MAN1A1: variants seen among roughly 807,000 people sequenced by gnomAD.
MAN1A1 encodes the protein mannosidase alpha class 1A member 1, also known as mannosyl-oligosaccharide 1,2-alpha-mannosidase IA.
In MAN1A1, 29 loss-of-function variants were observed where a neutral mutation model predicts 70.8. That is an observed-to-expected ratio of 0.41 (90% confidence interval 0.31 to 0.56). MAN1A1 has a LOEUF of 0.56. Among genes scored for constraint, MAN1A1 ranks in the 20% least tolerant of loss-of-function variants. The pLI, the probability that MAN1A1 is intolerant of heterozygous loss-of-function variation, is 0.29. For synonymous variants in MAN1A1, 349 were observed against 330.1 expected, an observed-to-expected ratio of 1.06 and a Z score of -0.62; for missense variants, 747 against 841.3, an observed-to-expected ratio of 0.89 and a Z score of 1.39.
intron 5 of MAN1A1, among the ~76,000 whole-genome samples, chr6:119,268,662 C>A (rs534048029): frequency 6.6e-6 from 1 of 152,154 alleles, no homozygotes; most frequent in Admixed American, 6.5e-5. Flanking sequence ...TTTTGGCTCA[C>A]TGCAGCCTTG....
chr6:119,189,536 G>T, intron 10 of MAN1A1, 128 bp downstream of exon 10: 1 of 798,010 alleles, frequency 1.3e-6, no homozygotes. Context: ...ACATTCCTTT[G>T]AGACATTAAT....
rs372279067 is a variant in MAN1A1 at position 119,349,675 on chromosome 6, G to C, written c.-356C>G. ...TCCCACGGTCCCGCAGCCCCGGCGC[G>C]GCTCAGGTGGGCGAGCGCGCCGACC... On this transcript the variant is annotated 5_prime_UTR_variant, in exon 1 of 13. Coordinates refer to ENST00000368468, the MANE Select transcript of MAN1A1 (RefSeq NM_005907.4). The C allele has an allele frequency of 1.0e-6, 1 of 985,864 alleles. No homozygotes were observed. Among genetic ancestry groups the C allele is most frequent in the Non-Finnish European group, 1.2e-6 (1 of 830,004 alleles). 61.1% of individuals were successfully genotyped at this position (985,864 alleles called of 1,614,324 possible).
chr6:119,180,082 C>G, intron 12 of MAN1A1, 137 bp from the exon 13 acceptor site: 1 of 955,838 alleles, frequency 1.0e-6, no homozygotes, highest in South Asian at 1.6e-5. Flanking sequence ...ATATCAAAAC[C>G]CTGAGGGGTT....
At chr6:119,185,448 G>C (rs1047068264) in intron 11 of MAN1A1, among the ~76,000 whole-genome samples, 1 of 152,188 alleles carries the variant, frequency 6.6e-6, no homozygotes, top group African/African-American at 2.4e-5. Context: ...TTTGTTAGAA[G>C]ATAGGAAGAC....
chr6:119,347,270 A>T (rs1773755128), intron 2 of MAN1A1, among the ~76,000 whole-genome samples: 1 of 152,188 alleles, frequency 6.6e-6, no homozygotes, highest in Admixed American at 6.5e-5. Flanking sequence ...CAGCCACTTA[A>T]GCTAAACACC....
chr6:119,319,778 C>T (rs1440261916), intron 2 of MAN1A1, among the ~76,000 whole-genome samples: 1 of 152,162 alleles, frequency 6.6e-6, no homozygotes, highest in Non-Finnish European at 1.5e-5. Context: ...GCCTAATGTT[C>T]TTTCCTGGCC....
intron 6 of MAN1A1, among the ~76,000 whole-genome samples, chr6:119,224,270 A>G (rs1003045174): frequency 2.0e-5 from 3 of 152,234 alleles, no homozygotes; most frequent in Non-Finnish European, 2.9e-5. Flanking sequence ...CATGTTTGCT[A>G]CTTTTATAGA....
At chr6:119,315,909 GTTTA>G (rs1416180772) in intron 2 of MAN1A1, among the ~76,000 whole-genome samples, 1 of 152,200 alleles carries the variant, frequency 6.6e-6, no homozygotes, top group Non-Finnish European at 1.5e-5. Context: ...GTCACTTTGT[GTTTA>G]AAGGTTTAAC....
chr6:119,266,557 GAC>G (rs1775760148), intron 5 of MAN1A1, among the ~76,000 whole-genome samples: 1 of 151,988 alleles, frequency 6.6e-6, no homozygotes, highest in African/African-American at 2.4e-5. Context: ...AATGAATGTA[GAC>G]ACAGACCTTA....
intron 3 of MAN1A1, among the ~76,000 whole-genome samples, chr6:119,303,899 C>A (rs1051863624): frequency 2.0e-5 from 3 of 152,196 alleles, no homozygotes; most frequent in African/African-American, 4.8e-5. Context: ...AGTAAGCCTG[C>A]CACTCCTAGC....
intron 2 of MAN1A1, among the ~76,000 whole-genome samples, chr6:119,315,423 C>G (rs3798638): frequency 6.6e-6 from 1 of 152,130 alleles, no homozygotes; most frequent in East Asian, 1.9e-4. Flanking sequence ...TTGTAATGGA[C>G]AGATTGTTCT....
chr6:119,193,318 G>C (rs913232275), intron 9 of MAN1A1, among the ~76,000 whole-genome samples: 2 of 152,150 alleles, frequency 1.3e-5, no homozygotes, highest in African/African-American at 2.4e-5. Flanking sequence ...CCTGAAATAT[G>C]AGTTTGTTCA....
chr6:119,249,071 T>C (rs1246457065), intron 5 of MAN1A1, among the ~76,000 whole-genome samples: 1 of 152,154 alleles, frequency 6.6e-6, no homozygotes, highest in South Asian at 2.1e-4. Context: ...ATGAGAACTG[T>C]ACGCAGCATT....
intron 2 of MAN1A1, among the ~76,000 whole-genome samples, chr6:119,340,955 A>T (rs556689543): frequency 3.2e-4 from 49 of 152,352 alleles, no homozygotes; most frequent in African/African-American, 1.1e-3. Context: ...ACTGAGAAAC[A>T]CGAGCGAGAA....
intron 5 of MAN1A1, among the ~76,000 whole-genome samples, chr6:119,252,709 T>G (rs904731604): frequency 3.3e-5 from 5 of 152,084 alleles, no homozygotes; most frequent in African/African-American, 1.2e-4. Flanking sequence ...GCAAAATCAC[T>G]TGAACCCGGG....
chr6:119,277,506 C>T lies in MAN1A1; in HGVS notation c.897+13177G>A, dbSNP rs139700986. ...TTATGAATCAAATGATAGTTTCATA[C>T]ATTAGGTAAGACTTAATTTATAGAA... On this transcript the variant is annotated intron_variant, in intron 5 of 12. Coordinates refer to ENST00000368468, the MANE Select transcript of MAN1A1 (RefSeq NM_005907.4). 5.3e-5 allele frequency among the ~76,000 whole-genome samples: 8 copies of T among 152,132 alleles called. No individual in the cohort carries two copies. The East Asian group carries it at 1.5e-3, about 29-fold the overall frequency.
Position 119,260,652 on chromosome 6 carries a change from C to A in MAN1A1, c.898-12298G>T, listed in dbSNP as rs578067774. The stretch of plus-strand genomic sequence containing the variant: ...CTTGAAAGCATCTTTATCTTTTTTT[C>A]ATTTAGAGGCTTTAACATATTTTCA... On this transcript the variant is annotated intron_variant, in intron 5 of 12. Coordinates refer to ENST00000368468, the MANE Select transcript of MAN1A1 (RefSeq NM_005907.4). Among the ~76,000 whole-genome samples the A allele has an allele frequency of 2.6e-5, 4 of 152,192 alleles. No homozygotes were observed. In the South Asian group the frequency reaches 8.3e-4, roughly 32 times the overall value.
intron 2 of MAN1A1, among the ~76,000 whole-genome samples, chr6:119,313,554 C>T (rs1415371308): frequency 6.6e-6 from 1 of 151,852 alleles, no homozygotes; most frequent in East Asian, 1.9e-4. Flanking sequence ...GTTACAATGA[C>T]AATCACTACT....
chr6:119,317,942 T>C (rs1199200594), intron 2 of MAN1A1, among the ~76,000 whole-genome samples: 1 of 152,088 alleles, frequency 6.6e-6, no homozygotes, highest in Non-Finnish European at 1.5e-5. Flanking sequence ...CCATTATTAA[T>C]AAGTGGAATA....
Sources: gnomAD v4.1 joint callset for allele counts (sites outside exome capture counted in the v4.1 genomes callset) on GRCh38, gnomAD v4.1.1 for gene constraint, MANE v1.5 for transcripts, NCBI Gene and HGNC (gene_info 2026-07-23, HGNC 2026-07-21) for gene names.